The following HCN1 variants were observed in gnomAD, a reference collection of about 807,000 sequenced individuals.
HCN1 encodes the protein potassium/sodium hyperpolarization-activated cyclic nucleotide-gated channel 1.
Under a neutral mutation model 78.9 loss-of-function variants are expected in HCN1, and 13 were observed. The ratio of observed to expected loss-of-function variants is 0.16; its 90% CI spans 0.11 to 0.26. The LOEUF is 0.26. Ranked by LOEUF, HCN1 falls within the 10% of genes least tolerant of loss-of-function variation. The pLI, the probability that HCN1 is intolerant of heterozygous loss-of-function variation, is 1.00. For missense variants in HCN1, 810 were observed against 1,154.3 expected (o/e 0.70, Z 4.32); for synonymous variants, 552 against 455.5 (o/e 1.21, Z -2.70).
At chr5:45,460,146 A>C (rs1324715240) in intron 3 of HCN1, among the ~76,000 whole-genome samples, 2 of 152,264 alleles carry the variant, frequency 1.3e-5, no homozygotes, top group Non-Finnish European at 2.9e-5. Flanking sequence ...CCCAAAATTC[A>C]TGTGTTAGAA....
intron 5 of HCN1, among the ~76,000 whole-genome samples, chr5:45,348,512 A>G (rs1171492572): frequency 6.6e-6 from 1 of 152,204 alleles, no homozygotes; most frequent in East Asian, 1.9e-4. Context: ...ATTCACACAT[A>G]ACGATATTAA....
intron 2 of HCN1, among the ~76,000 whole-genome samples, chr5:45,571,961 C>CATTGAT (rs1484166083): frequency 6.6e-6 from 1 of 152,004 alleles, no homozygotes; most frequent in African/African-American, 2.4e-5. Flanking sequence ...GAGTTATGAC[C>CATTGAT]ATTGATATTT....
chr5:45,385,277 G>A (rs1286900909), intron 4 of HCN1, among the ~76,000 whole-genome samples: 1 of 151,838 alleles, frequency 6.6e-6, no homozygotes, highest in Non-Finnish European at 1.5e-5. Flanking sequence ...TTTTTACATT[G>A]CTCATAGGAG....
At chr5:45,443,773 C>T (rs1025687536) in intron 3 of HCN1, among the ~76,000 whole-genome samples, 7 of 151,946 alleles carry the variant, frequency 4.6e-5, no homozygotes, top group African/African-American at 1.7e-4. Flanking sequence ...TAGAAACTGA[C>T]AAATAGTTAA....
At chr5:45,267,019 CT>C (rs1744872349) in intron 7 of HCN1, 69 bp downstream of exon 7, 3 of 1,334,638 alleles carry the variant, frequency 2.2e-6, no homozygotes, top group African/African-American at 1.5e-5. Flanking sequence ...GCATTTGGGA[CT>C]TATAATTGCA....
chr5:45,265,251 G>C (rs182816519), intron 7 of HCN1, among the ~76,000 whole-genome samples: 1 of 152,150 alleles, frequency 6.6e-6, no homozygotes, highest in African/African-American at 2.4e-5. Context: ...CAGATTAACA[G>C]AAATTATCTA....
chr5:45,497,556 T>C (rs1337135113), intron 2 of HCN1, among the ~76,000 whole-genome samples: 1 of 152,208 alleles, frequency 6.6e-6, no homozygotes, highest in African/African-American at 2.4e-5. Context: ...ATTGGCTTGG[T>C]AGACCTTCCT....
chr5:45,307,322 T>A (rs1028849727), intron 5 of HCN1, among the ~76,000 whole-genome samples: 23 of 152,182 alleles, frequency 1.5e-4, no homozygotes, highest in African/African-American at 5.3e-4. Flanking sequence ...TGGAGAATAA[T>A]TACCAAACCC....
chr5:45,492,662 G>A (rs1031833717), intron 2 of HCN1, among the ~76,000 whole-genome samples: 2 of 150,934 alleles, frequency 1.3e-5, no homozygotes, highest in Non-Finnish European at 1.5e-5. Context: ...CATCAAGCCT[G>A]GCTAATATTT....
chr5:45,649,377 AT>A (rs1326288650), intron 1 of HCN1, among the ~76,000 whole-genome samples: 3 of 151,984 alleles, frequency 2.0e-5, no homozygotes, highest in African/African-American at 7.2e-5. Flanking sequence ...ATCCCCCACC[AT>A]AAAAAAAAAA....
Position 45,372,727 on chromosome 5 carries a change from G to A in HCN1, c.1231-19481C>T, listed in dbSNP as rs954462940. 2.2e-4 allele frequency among the ~76,000 whole-genome samples: 30 copies of A among 138,030 alleles called. 1 individual carries two copies. Among genetic ancestry groups the A allele is most frequent in the Admixed American group, 1.3e-3 (17 of 13,238 alleles). 90.6% of individuals were successfully genotyped at this position (138,030 alleles called of 152,430 possible). ...CGTATTTATATATAAAAATATATAC[G>A]TATTTATATAAAAATATATACGTAT... On this transcript the variant is annotated intron_variant, in intron 4 of 7. Coordinates refer to ENST00000303230, the MANE Select transcript of HCN1 (RefSeq NM_021072.4).
At chr5:45,265,190 A>T (rs1182301689) in intron 7 of HCN1, among the ~76,000 whole-genome samples, 1 of 127,064 alleles carries the variant, frequency 7.9e-6, no homozygotes, top group East Asian at 2.1e-4. Flanking sequence ...ATTCTGTCTT[A>T]AAAAAAAAAA....
intron 2 of HCN1, among the ~76,000 whole-genome samples, chr5:45,583,056 G>T (rs965927449): frequency 6.6e-6 from 1 of 152,076 alleles, no homozygotes; most frequent in Non-Finnish European, 1.5e-5. Flanking sequence ...AGTTAGGGAG[G>T]ATTCCCTCTT....
At chr5:45,342,905 G>GA (rs1746616097) in intron 5 of HCN1, among the ~76,000 whole-genome samples, 1 of 152,018 alleles carries the variant, frequency 6.6e-6, no homozygotes, top group East Asian at 1.9e-4. Flanking sequence ...AAACAAATAT[G>GA]AAAAAATAAT....
chr5:45,499,362 C>T (rs1365059623), intron 2 of HCN1, among the ~76,000 whole-genome samples: 4 of 152,186 alleles, frequency 2.6e-5, no homozygotes, highest in African/African-American at 7.2e-5. Flanking sequence ...CAGGTGCCCT[C>T]TGTCACCCCT....
At chr5:45,688,533 A>C (rs1205177257) in intron 1 of HCN1, among the ~76,000 whole-genome samples, 2 of 152,032 alleles carry the variant, frequency 1.3e-5, no homozygotes, top group Admixed American at 1.3e-4. Flanking sequence ...GAATTTATTA[A>C]CTCTAAGATT....
chr5:45,372,551 A>G (rs1157086449), intron 4 of HCN1, among the ~76,000 whole-genome samples: 3 of 129,070 alleles, frequency 2.3e-5, no homozygotes, highest in Non-Finnish European at 3.1e-5. Context: ...ATATAAAAAT[A>G]TATAAAACAT....
rs368969074 is a variant in HCN1 at position 45,374,409 on chromosome 5, G to T, written c.1231-21163C>A. 1.1e-4 allele frequency among the ~76,000 whole-genome samples: 16 copies of T among 145,948 alleles called. No homozygotes were observed. In the South Asian group the frequency reaches 1.7e-3, roughly 15 times the overall value. ...AGAGACTACCACGATGAAGAAATGG[G>T]TAAATTCCTGAACACATACAACCTC... On this transcript the variant is annotated intron_variant, in intron 4 of 7. Transcript: ENST00000303230.
In HCN1 at chr5:45,258,719, C is replaced by G. The variant is rs1468137962; in HGVS notation, c.*3202G>C. On this transcript the variant is annotated 3_prime_UTR_variant, in exon 8 of 8. Transcript: ENST00000303230. ...ATAATAGGGCCTTGGGCCTACTATA[C>G]AAACCTATTTTGTTTAAGGCTATAA... 1.3e-5 allele frequency: 2 copies of G among 151,912 alleles called. No individual in the cohort carries two copies. The highest frequency in any genetic ancestry group is 3.9e-4 in the East Asian group (2 of 5,152). 9.4% of individuals were successfully genotyped at this position (151,912 alleles called of 1,614,324 possible).
Sources: gnomAD v4.1 joint callset for allele counts (sites outside exome capture counted in the v4.1 genomes callset) on GRCh38, gnomAD v4.1.1 for gene constraint, MANE v1.5 for transcripts, NCBI Gene and HGNC (gene_info 2026-07-23, HGNC 2026-07-21) for gene names.